Variants in CCPG1 observed in about 807,000 individuals in gnomAD.
The protein encoded by CCPG1 is cell cycle progression protein 1.
In CCPG1, 46 loss-of-function variants were observed where a neutral mutation model predicts 81.3. That is an observed-to-expected ratio of 0.57 (90% CI 0.45 to 0.72). The LOEUF is 0.72. Ranked by LOEUF, CCPG1 falls within the 30% of genes least tolerant of loss-of-function variation. The probability of loss-of-function intolerance (pLI) is 0.00; values close to 1 mark genes in which losing one functional copy is unlikely to be tolerated. For synonymous variants in CCPG1, 330 were observed against 305.2 expected, an observed-to-expected ratio of 1.08 and a Z score of -0.85; for missense variants, 902 against 937.6, an observed-to-expected ratio of 0.96 and a Z score of 0.50.
Position 55,384,888 on chromosome 15 carries a change from G to T in CCPG1, c.175+712C>A, listed in dbSNP as rs2056769132. Among the ~76,000 whole-genome samples the T allele has an allele frequency of 3.3e-5, 5 of 152,090 alleles. No homozygotes were observed. In the South Asian group the frequency reaches 1.0e-3, roughly 32 times the overall value. ...TAACTCCATCAACATGATAATAACTGGAAAACAGGTTAGTAAATCTCTTGT... is the reference window on the plus strand; with the variant it reads ...TAACTCCATCAACATGATAATAACTTGAAAACAGGTTAGTAAATCTCTTGT... On this transcript the variant is annotated intron_variant, in intron 3 of 8. Coordinates refer to ENST00000442196, the MANE Select transcript of CCPG1 (RefSeq NM_001204450.2).
Position 55,355,452 on chromosome 15 carries a change from C to T in CCPG1, c.*768G>A, listed in dbSNP as rs1283120298. 2.5e-6 allele frequency: 4 copies of T among 1,587,722 alleles called. No individual in the cohort carries two copies. The highest frequency in any genetic ancestry group is 2.7e-5 in the African/African-American group (2 of 73,972). On this transcript the variant is annotated 3_prime_UTR_variant, in exon 9 of 9. Coordinates refer to ENST00000442196, the MANE Select transcript of CCPG1 (RefSeq NM_001204450.2). ...TTCTGAACTTTCCTAGATAAATTAA[C>T]ATTGCTGGGTGGAAATATTCAGATG...
chr15:55,356,100 GA>G lies in CCPG1; in HGVS notation c.*119del, dbSNP rs2056072877. The G allele has an allele frequency of 8.2e-5, 62 of 758,560 alleles. No individual in the cohort carries two copies. In the South Asian group the frequency reaches 1.0e-3, roughly 13 times the overall value. 47.0% of individuals were successfully genotyped at this position (758,560 alleles called of 1,614,324 possible). A position where few individuals can be genotyped will look rare whatever the true frequency, so the allele number is the denominator to read the frequency against. ...AGGAATAATATAAAGTTATCAAACT[GA>G]TACTTAGAAACAAAAGAAAAGACAT... is the stretch of plus-strand genomic sequence containing the variant. On this transcript the variant is annotated 3_prime_UTR_variant, in exon 9 of 9. Coordinates refer to ENST00000442196, the MANE Select transcript of CCPG1 (RefSeq NM_001204450.2).
rs1380143461 is a variant in CCPG1, at chr15:55,390,790, T to C, written c.-9-1357A>G. ...ATACAAAAAGGTTGGTCGCTAATAG[T>C]ATAAAAATTAACATGTTTCAAATGA... On this transcript the variant is annotated intron_variant, in intron 1 of 8. Coordinates refer to ENST00000442196, the MANE Select transcript of CCPG1 (RefSeq NM_001204450.2). Among the ~76,000 whole-genome samples, 3 of 152,322 alleles carry C rather than the reference T, an allele frequency of 2.0e-5. No homozygotes were observed. The East Asian group carries it at 5.8e-4, about 29-fold the overall frequency.
chr15:55,363,338 G>A (rs1336414412), intron 7 of CCPG1, among the ~76,000 whole-genome samples: 1 of 150,954 alleles, frequency 6.6e-6, no homozygotes, highest in Admixed American at 6.6e-5. Context: ...AACAGAGCGA[G>A]GCTCCATCTC....
At chr15:55,379,792 T>C (rs1178349294) in intron 3 of CCPG1, among the ~76,000 whole-genome samples, 1 of 152,042 alleles carries the variant, frequency 6.6e-6, no homozygotes, top group Non-Finnish European at 1.5e-5. Context: ...CTTCACAATA[T>C]ATTTTTAATG....
intron 4 of CCPG1, among the ~76,000 whole-genome samples, chr15:55,377,756 A>G (rs1386371711): frequency 1.3e-5 from 2 of 152,238 alleles, no homozygotes; most frequent in African/African-American, 4.8e-5. Flanking sequence ...TTAAAGATGT[A>G]GCAACAAAAT....
At chr15:55,368,484 T>A (rs974398264) in intron 6 of CCPG1, among the ~76,000 whole-genome samples, 3 of 152,190 alleles carry the variant, frequency 2.0e-5, no homozygotes, top group African/African-American at 7.2e-5. Flanking sequence ...CATCTAGATA[T>A]CTTGTTATAT....
intron 3 of CCPG1, among the ~76,000 whole-genome samples, chr15:55,378,787 G>A (rs1403166494): frequency 6.6e-6 from 1 of 152,004 alleles, no homozygotes; most frequent in Non-Finnish European, 1.5e-5. Flanking sequence ...ACTAGAGATA[G>A]GGTTTTACCA....
At chr15:55,361,054 A>G (rs1365761056) in intron 7 of CCPG1, 110 bp from the exon 8 acceptor site, 2 of 1,179,374 alleles carry the variant, frequency 1.7e-6, no homozygotes, top group African/African-American at 3.2e-5. Context: ...ACTTCTACAG[A>G]TACAACCCCC....
chr15:55,399,392 G>A (rs1470119279), intron 1 of CCPG1, among the ~76,000 whole-genome samples: 1 of 133,896 alleles, frequency 7.5e-6, no homozygotes, highest in African/African-American at 3.0e-5. Flanking sequence ...CCAACATGGT[G>A]CAAACCTCAT....
Position 55,388,537 on chromosome 15 carries a change from T to G in CCPG1, c.60+828A>C, listed in dbSNP as rs140724590. The stretch of plus-strand genomic sequence containing the variant: ...ATAATCTTGACCAAATTACTTAACC[T>G]CTCTAAGCTTTAGTTTTCTCAACTA... On this transcript the variant is annotated intron_variant, in intron 2 of 8. Transcript: ENST00000442196. Among the ~76,000 whole-genome samples, 18 of 152,250 alleles carry G rather than the reference T, an allele frequency of 1.2e-4. No individual in the cohort carries two copies. The East Asian group carries it at 2.7e-3, about 23-fold the overall frequency.
chr15:55,395,165 A>G (rs1026709841), intron 1 of CCPG1, among the ~76,000 whole-genome samples: 4 of 152,134 alleles, frequency 2.6e-5, no homozygotes, highest in Non-Finnish European at 5.9e-5. Flanking sequence ...ATCCAGCCCA[A>G]AAGAGAAAAA....
At chr15:55,374,963 C>G (rs972248380) in intron 5 of CCPG1, among the ~76,000 whole-genome samples, 6 of 152,198 alleles carry the variant, frequency 3.9e-5, no homozygotes, top group Non-Finnish European at 8.8e-5. Context: ...AAGTGCCCGG[C>G]CCCAAAACAA....
At chr15:55,389,459 C>G in intron 1 of CCPG1, 26 bp from the exon 2 acceptor site, 1 of 1,497,158 alleles carries the variant, frequency 6.7e-7, no homozygotes, top group Non-Finnish European at 9.3e-7. Context: ...CATATTGACT[C>G]ATGAGACACA....
At chr15:55,392,210 ATT>A (rs35816626) in intron 1 of CCPG1, among the ~76,000 whole-genome samples, 46,201 of 122,340 alleles carry the variant, frequency 0.38, 7,034 homozygotes, top group East Asian at 0.65. Flanking sequence ...ATCAGATTTG[ATT>A]TTTTTTTTTT....
chr15:55,389,496 ATATGTGACAC>A (rs1206947197), intron 1 of CCPG1, 63 bp from the exon 2 acceptor site: 2 of 1,122,734 alleles, frequency 1.8e-6, no homozygotes, highest in African/African-American at 3.1e-5. Flanking sequence ...AGGAAGCACT[ATATGTGACAC>A]TAAGTTTGAA....
chr15:55,386,205 A>T (rs1408079405), intron 2 of CCPG1, among the ~76,000 whole-genome samples: 1 of 152,022 alleles, frequency 6.6e-6, no homozygotes, highest in Non-Finnish European at 1.5e-5. Context: ...AAAAAAAAAA[A>T]AAAAAATGAA....
Position 55,356,163 on chromosome 15 carries a change from C to T in CCPG1, c.*57G>A. The T allele has an allele frequency of 3.8e-6, 5 of 1,299,266 alleles. No homozygotes were observed. The highest frequency in any genetic ancestry group is 5.2e-6 in the Non-Finnish European group (5 of 955,894). The allele number at this position is 1,299,266 out of a possible 1,614,324, so 80.5% of individuals were successfully genotyped here. A position where few individuals can be genotyped will look rare whatever the true frequency, so the allele number is the denominator to read the frequency against. ...TAATTTCATTAGTTTCAATACCAAA[C>T]ATTATACAAAGCATAAATTTTTCTC... On this transcript the variant is annotated 3_prime_UTR_variant, in exon 9 of 9. Coordinates refer to ENST00000442196, the MANE Select transcript of CCPG1 (RefSeq NM_001204450.2).
rs769185458 is a variant in CCPG1 at position 55,371,899 on chromosome 15, A to C, written c.600T>G (p.Thr200=). 4.3e-6 allele frequency: 7 copies of C among 1,614,116 alleles called. No homozygotes were observed. ...SEDRLVAEQE[T]EPSKELSKRQ... Reference sequence around the variant, plus strand: ...GTTTACTCAACTCCTTAGAAGGTTCAGTTTCTTGTTCAGCAACTAGCCGGT... The same window carrying C: ...GTTTACTCAACTCCTTAGAAGGTTCCGTTTCTTGTTCAGCAACTAGCCGGT... The change falls in exon 6 of 9, where the codon ACT becomes ACG. Residue 200 remains threonine (T), a synonymous_variant. Transcript: ENST00000442196.
Sources: allele counts gnomAD v4.1 joint callset (sites outside exome capture counted in the v4.1 genomes callset), GRCh38; gene constraint gnomAD v4.1.1; transcripts MANE v1.5; gene names NCBI Gene and HGNC (gene_info 2026-07-23, HGNC 2026-07-21).